CDH4: variants seen among roughly 807,000 people sequenced by gnomAD.
CDH4 encodes cadherin 4, also known as cadherin-4.
In CDH4, 33 loss-of-function variants were observed where a neutral mutation model predicts 86.0. The ratio of observed to expected loss-of-function variants is 0.38; its 90% CI spans 0.29 to 0.51. The LOEUF is 0.51. CDH4 is among the 20% of genes least tolerant of loss of function. The pLI, the probability that CDH4 is intolerant of heterozygous loss-of-function variation, is 0.86. For synonymous variants in CDH4, 555 were observed against 549.4 expected (o/e 1.01, Z -0.14); for missense variants, 1,114 against 1,307.4 (o/e 0.85, Z 2.28).
rs1297520992 is a variant in CDH4 at position 61,824,361 on chromosome 20, A to C, written c.577-20307A>C. 8.8e-5 allele frequency among the ~76,000 whole-genome samples: 11 copies of C among 125,360 alleles called. No individual in the cohort carries two copies. The East Asian group carries it at 2.2e-3, about 26-fold the overall frequency. The allele number at this position is 125,360 out of a possible 152,430, so 82.2% of individuals were successfully genotyped here. ...CTCTTAAAAAGATGGATAAAAATAC[A>C]AAAAAAAAAAAAAGATGCCTCCCCC... On this transcript the variant is annotated intron_variant, in intron 4 of 15. Coordinates refer to ENST00000614565, the MANE Select transcript of CDH4 (RefSeq NM_001794.5).
intron 2 of CDH4, among the ~76,000 whole-genome samples, chr20:61,276,030 C>T (rs978476963): frequency 2.0e-5 from 3 of 152,106 alleles, no homozygotes; most frequent in East Asian, 1.9e-4. Context: ...ACAGCGGGTT[C>T]GTTATGCAGG....
intron 2 of CDH4, among the ~76,000 whole-genome samples, chr20:61,646,687 G>A (rs187583504): frequency 4.6e-4 from 70 of 152,342 alleles, no homozygotes; most frequent in Admixed American, 1.5e-3. Flanking sequence ...AGGCCTCGGC[G>A]CCCCGGCTGC....
At chr20:61,661,326 C>G (rs2087255040) in intron 2 of CDH4, among the ~76,000 whole-genome samples, 1 of 152,202 alleles carries the variant, frequency 6.6e-6, no homozygotes, top group African/African-American at 2.4e-5. Flanking sequence ...CATCATAAGT[C>G]TTGTGTTTTC....
chr20:61,469,520 C>T (rs567753886), intron 2 of CDH4, among the ~76,000 whole-genome samples: 18 of 152,262 alleles, frequency 1.2e-4, no homozygotes, highest in Admixed American at 4.6e-4. Context: ...TGTCTGTTCA[C>T]TTTGTTGATT....
intron 4 of CDH4, among the ~76,000 whole-genome samples, chr20:61,797,680 G>A (rs1334470497): frequency 6.6e-6 from 1 of 152,162 alleles, no homozygotes; most frequent in Non-Finnish European, 1.5e-5. Flanking sequence ...CCAGCTCCTC[G>A]GGAGGCTGAG....
chr20:61,756,097 A>G (rs945309633), intron 3 of CDH4, among the ~76,000 whole-genome samples: 1 of 152,178 alleles, frequency 6.6e-6, no homozygotes, highest in Admixed American at 6.5e-5. Context: ...TCTCCTCTGC[A>G]CATTCTGATG....
chr20:61,346,482 G>A (rs950150221), intron 2 of CDH4, among the ~76,000 whole-genome samples: 11 of 152,280 alleles, frequency 7.2e-5, no homozygotes, highest in Non-Finnish European at 1.5e-4. Context: ...GGTGGCTCAC[G>A]CCTGTAATCC....
At chr20:61,772,871 GCTC>G in intron 3 of CDH4, 129 bp from the exon 4 acceptor site, 1 of 651,964 alleles carries the variant, frequency 1.5e-6, no homozygotes, top group Non-Finnish European at 2.4e-6. Context: ...TTCCCGCTTA[GCTC>G]CTTGTCCCAG....
intron 2 of CDH4, among the ~76,000 whole-genome samples, chr20:61,416,851 T>G (rs570686400): frequency 7.9e-5 from 12 of 152,328 alleles, no homozygotes; most frequent in African/African-American, 2.9e-4. Context: ...TTCATTTTAA[T>G]GAAGGGTATC....
chr20:61,470,620 G>A (rs2085496636), intron 2 of CDH4, among the ~76,000 whole-genome samples: 1 of 152,096 alleles, frequency 6.6e-6, no homozygotes, highest in African/African-American at 2.4e-5. Flanking sequence ...CCAGATCTTG[G>A]AGGAAAGGCT....
intron 2 of CDH4, among the ~76,000 whole-genome samples, chr20:61,603,416 C>G (rs891086750): frequency 4.1e-4 from 62 of 152,108 alleles, no homozygotes; most frequent in African/African-American, 1.2e-3. Context: ...CAGATCTGGA[C>G]GAGGAGACTC....
chr20:61,533,280 C>G (rs4925250), intron 2 of CDH4, among the ~76,000 whole-genome samples: 3 of 152,096 alleles, frequency 2.0e-5, no homozygotes, highest in Non-Finnish European at 4.4e-5. Context: ...GGCCTGGGCA[C>G]GGCAGGCGGC....
chr20:61,793,865 A>G (rs969044219), intron 4 of CDH4, among the ~76,000 whole-genome samples: 7 of 131,564 alleles, frequency 5.3e-5, no homozygotes, highest in Middle Eastern at 5.8e-3. Flanking sequence ...GAGGCCAGGT[A>G]CGGTGGCTCA....
intron 2 of CDH4, among the ~76,000 whole-genome samples, chr20:61,288,585 T>C (rs1191168764): frequency 6.6e-6 from 1 of 152,176 alleles, no homozygotes; most frequent in Non-Finnish European, 1.5e-5. Flanking sequence ...CTGATGCCCA[T>C]GGTGGTCTCA....
intron 2 of CDH4, among the ~76,000 whole-genome samples, chr20:61,574,200 A>G (rs1436075484): frequency 6.6e-6 from 1 of 152,206 alleles, no homozygotes; most frequent in Non-Finnish European, 1.5e-5. Context: ...TTGCACACAT[A>G]TAGATTCAAA....
rs1003796585 is a variant in CDH4, at chr20:61,582,123, G to A, written c.170-161440G>A. Among the ~76,000 whole-genome samples the A allele has an allele frequency of 2.6e-5, 4 of 152,198 alleles. No individual in the cohort carries two copies. The highest frequency in any genetic ancestry group is 6.5e-5 in the Admixed American group (1 of 15,284). The stretch of plus-strand genomic sequence containing the variant: ...GCTCGTGGCCATCATTACCATTGGC[G>A]GCATGCTGCCCATGCCTTGTGTGTG... On this transcript the variant is annotated intron_variant, in intron 2 of 15. Transcript: ENST00000614565. This position sits in a 1 kb window ranked among gnomAD's most constrained non-coding sequence, Gnocchi z 4.2.
intron 2 of CDH4, among the ~76,000 whole-genome samples, chr20:61,356,371 G>T (rs1200721003): frequency 6.6e-6 from 1 of 152,168 alleles, no homozygotes; most frequent in Non-Finnish European, 1.5e-5. Context: ...GAGTGTCCAG[G>T]TAAACAAGGG....
intron 2 of CDH4, among the ~76,000 whole-genome samples, chr20:61,731,683 C>T (rs2088190006): frequency 6.6e-6 from 1 of 152,230 alleles, no homozygotes; most frequent in Non-Finnish European, 1.5e-5. Flanking sequence ...GATGGGCAGG[C>T]CCCGTGCAGA....
intron 2 of CDH4, among the ~76,000 whole-genome samples, chr20:61,538,379 G>C (rs6061624): frequency 0.31 from 47,370 of 151,884 alleles, 11,794 homozygotes; most frequent in African/African-American, 0.69. Context: ...AAGTCAAGAG[G>C]TTTACTCACA....
Sources: gnomAD v4.1 joint callset for allele counts (sites outside exome capture counted in the v4.1 genomes callset) on GRCh38, gnomAD v4.1.1 for gene constraint, Gnocchi (gnomAD v3.1) non-coding constraint, MANE v1.5 for transcripts, NCBI Gene and HGNC (gene_info 2026-07-23, HGNC 2026-07-21) for gene names.